GABRG3: variants seen among roughly 807,000 people sequenced by gnomAD.
GABRG3 encodes the protein gamma-aminobutyric acid receptor subunit gamma-3.
A neutral mutation model predicts 48.8 loss-of-function variants in GABRG3; 25 were observed. That is an observed-to-expected ratio of 0.51 (90% confidence interval 0.37 to 0.72). GABRG3 has a LOEUF of 0.72. GABRG3 is among the 30% of genes least tolerant of loss of function. GABRG3 has a pLI of 0.00. For missense variants in GABRG3, 394 were observed against 577.9 expected, an observed-to-expected ratio of 0.68 and a Z score of 3.26; for synonymous variants, 227 against 217.6, an observed-to-expected ratio of 1.04 and a Z score of -0.38.
intron 5 of GABRG3, among the ~76,000 whole-genome samples, chr15:27,468,420 T>C (rs901755295): frequency 1.3e-5 from 2 of 152,158 alleles, no homozygotes; most frequent in Non-Finnish European, 2.9e-5. Flanking sequence ...TTGGTGGTTG[T>C]GTGGTTTACT....
At position 27,520,144 on chromosome 15, in the gene GABRG3, T is replaced by A. The variant is rs1891124865; in HGVS notation, c.865+20T>A. ...CATTAGGTGAGTTTCAAAAAATCTC[T>A]TCCACAAATTTGCGTAATTGTAATA... On this transcript the variant is annotated intron_variant, in intron 7 of 9. Coordinates refer to ENST00000615808, the MANE Select transcript of GABRG3 (RefSeq NM_033223.5). The A allele has an allele frequency of 1.3e-6, 2 of 1,581,020 alleles. No individual in the cohort carries two copies. Among genetic ancestry groups the A allele is most frequent in the Non-Finnish European group, 1.7e-6 (2 of 1,165,204 alleles).
chr15:27,056,227 T>C (rs1425215718), intron 3 of GABRG3, among the ~76,000 whole-genome samples: 1 of 151,596 alleles, frequency 6.6e-6, no homozygotes, highest in African/African-American at 2.4e-5. Context: ...GGTACACACC[T>C]GTAGTCCCAG....
intron 3 of GABRG3, among the ~76,000 whole-genome samples, chr15:27,219,065 T>C (rs956202453): frequency 6.6e-6 from 1 of 152,302 alleles, no homozygotes; most frequent in Admixed American, 6.5e-5. Flanking sequence ...TGACCTGGCC[T>C]TCTCCTCTGG....
In GABRG3 at chr15:27,522,030, G is replaced by C. The variant is rs180835488; in HGVS notation, c.865+1906G>C. On this transcript the variant is annotated intron_variant, in intron 7 of 9. Coordinates refer to ENST00000615808, the MANE Select transcript of GABRG3 (RefSeq NM_033223.5). ...TCAGCCTACAAATTCAAATAGCTTAGTGAGATACAAGTAAGATAAATACGA... is the reference window on the plus strand; with the variant it reads ...TCAGCCTACAAATTCAAATAGCTTACTGAGATACAAGTAAGATAAATACGA... 1.8e-4 allele frequency among the ~76,000 whole-genome samples: 27 copies of C among 152,050 alleles called. No homozygotes were observed. The East Asian group carries it at 3.5e-3, about 20-fold the overall frequency.
intron 3 of GABRG3, among the ~76,000 whole-genome samples, chr15:27,172,719 CA>C (rs1335176506): frequency 1.3e-5 from 2 of 152,088 alleles, no homozygotes; most frequent in African/African-American, 2.4e-5. Context: ...CAGAAGTGGC[CA>C]CTGAATCCCT....
chr15:27,280,862 C>G (rs2140479407), intron 3 of GABRG3, among the ~76,000 whole-genome samples: 1 of 152,218 alleles, frequency 6.6e-6, no homozygotes, highest in South Asian at 2.1e-4. Flanking sequence ...ATTGTCTAAC[C>G]CTTTTATATT....
chr15:27,233,419 T>C (rs1889859815), intron 3 of GABRG3, among the ~76,000 whole-genome samples: 2 of 152,044 alleles, frequency 1.3e-5, no homozygotes, highest in South Asian at 4.2e-4. Context: ...GCAACAGACA[T>C]TGACTTCTCA....
At chr15:27,310,775 A>T (rs1257339097) in intron 3 of GABRG3, among the ~76,000 whole-genome samples, 1 of 152,156 alleles carries the variant, frequency 6.6e-6, no homozygotes. Context: ...AAACAAGGGT[A>T]CAATAAAAGT....
chr15:27,154,208 G>T (rs112964585), intron 3 of GABRG3, among the ~76,000 whole-genome samples: 10 of 152,234 alleles, frequency 6.6e-5, no homozygotes, highest in African/African-American at 2.2e-4. Flanking sequence ...GTTGATATGT[G>T]GCATGGTGTA....
At chr15:27,092,087 T>C (rs1258360531) in intron 3 of GABRG3, among the ~76,000 whole-genome samples, 1 of 152,182 alleles carries the variant, frequency 6.6e-6, no homozygotes, top group African/African-American at 2.4e-5. Context: ...AAGCAACAGT[T>C]CTTTTACTGT....
chr15:27,260,137 A>G (rs1333024565), intron 3 of GABRG3, among the ~76,000 whole-genome samples: 2 of 152,226 alleles, frequency 1.3e-5, no homozygotes, highest in Non-Finnish European at 2.9e-5. Context: ...GTGGGGCTTA[A>G]ACAATGGAAA....
chr15:27,308,186 A>T (rs182498066), intron 3 of GABRG3, among the ~76,000 whole-genome samples: 686 of 35,950 alleles, frequency 0.019, 144 homozygotes, highest in African/African-American at 0.03. Flanking sequence ...ATATCCAAAC[A>T]TATATAAACA....
intron 2 of GABRG3, among the ~76,000 whole-genome samples, chr15:26,992,527 T>G (rs1289123207): frequency 6.6e-6 from 1 of 152,218 alleles, no homozygotes; most frequent in Non-Finnish European, 1.5e-5. Context: ...ATTGATTGAT[T>G]TGTGTATGTT....
At chr15:27,191,916 GC>G (rs1374673295) in intron 3 of GABRG3, among the ~76,000 whole-genome samples, 2 of 151,554 alleles carry the variant, frequency 1.3e-5, no homozygotes, top group Non-Finnish European at 2.9e-5. Flanking sequence ...TTTAGGGCAG[GC>G]CTGGTGGTGA....
chr15:27,251,305 C>G (rs1169666337), intron 3 of GABRG3, among the ~76,000 whole-genome samples: 1 of 152,076 alleles, frequency 6.6e-6, no homozygotes, highest in Admixed American at 6.5e-5. Flanking sequence ...ACAACAGATC[C>G]CAAGCAACAG....
intron 3 of GABRG3, among the ~76,000 whole-genome samples, chr15:27,320,107 C>T (rs1893369004): frequency 6.6e-6 from 1 of 152,264 alleles, no homozygotes; most frequent in East Asian, 1.9e-4. Flanking sequence ...AGGTAAAGCC[C>T]AAGGACCCCT....
At chr15:27,063,934 C>T (rs1317619014) in intron 3 of GABRG3, among the ~76,000 whole-genome samples, 1 of 152,202 alleles carries the variant, frequency 6.6e-6, no homozygotes, top group African/African-American at 2.4e-5. Flanking sequence ...ACATGGGTGT[C>T]ATTTCAGGGT....
At chr15:27,328,918 A>T (rs1418501725) in intron 5 of GABRG3, 30 bp downstream of exon 5, 1 of 1,581,510 alleles carries the variant, frequency 6.3e-7, no homozygotes. Flanking sequence ...CGGGGTGTGC[A>T]TGCTGTGTGA....
intron 7 of GABRG3, among the ~76,000 whole-genome samples, chr15:27,520,641 A>ATTTTTTTTTTTTTTTTTTTTTT (rs1595808203): frequency 3.5e-5 from 5 of 140,940 alleles, no homozygotes; most frequent in African/African-American, 8.4e-5. Flanking sequence ...GGTTCCCAAA[A>ATTTTTTTTTTTTTTTTTTTTTT]TCTTCTTAAT....
Sources: gnomAD v4.1 joint callset for allele counts (sites outside exome capture counted in the v4.1 genomes callset) on GRCh38, gnomAD v4.1.1 for gene constraint, MANE v1.5 for transcripts, NCBI Gene and HGNC (gene_info 2026-07-23, HGNC 2026-07-21) for gene names.